The following CSMD1 variants were observed in gnomAD, a reference collection of about 807,000 sequenced individuals.
CSMD1 encodes the protein CUB and Sushi multiple domains 1, also known as CUB and sushi domain-containing protein 1.
CSMD1 carries 213 observed loss-of-function variants against 417.5 expected under a neutral mutation model. The observed-to-expected ratio is 0.51, with a 90% confidence interval of 0.46 to 0.57. The LOEUF is 0.57. Among genes scored for constraint, CSMD1 ranks in the 20% least tolerant of loss-of-function variants. The probability of loss-of-function intolerance (pLI) is 0.00; values close to 1 mark genes in which losing one functional copy is unlikely to be tolerated. For missense variants in CSMD1, 6,923 were observed against 4,529.7 expected (o/e 1.53, Z -15.17); for synonymous variants, 2,862 against 1,736.8 (o/e 1.65, Z -16.11).
At chr8:3,525,662 C>G (rs567123883) in intron 10 of CSMD1, among the ~76,000 whole-genome samples, 3 of 152,168 alleles carry the variant, frequency 2.0e-5, no homozygotes, top group Non-Finnish European at 4.4e-5. Flanking sequence ...TGATAGCAAT[C>G]AATGGAATTA....
intron 12 of CSMD1, among the ~76,000 whole-genome samples, chr8:3,430,732 T>C (rs1339345138): frequency 6.6e-6 from 1 of 152,070 alleles, no homozygotes; most frequent in East Asian, 1.9e-4. Context: ...ACCTGAACCC[T>C]GGAGGTGGAG....
At chr8:3,867,495 G>A (rs957830734) in intron 5 of CSMD1, among the ~76,000 whole-genome samples, 1 of 152,136 alleles carries the variant, frequency 6.6e-6, no homozygotes, top group African/African-American at 2.4e-5. Flanking sequence ...TGAAGAGGGT[G>A]TCAGAATAAA....
At chr8:4,312,199 A>G (rs942556187) in intron 3 of CSMD1, among the ~76,000 whole-genome samples, 2 of 151,868 alleles carry the variant, frequency 1.3e-5, no homozygotes, top group Non-Finnish European at 2.9e-5. Flanking sequence ...CATACACACT[A>G]TCTATATGCA....
chr8:4,680,947 T>G (rs982505382), intron 1 of CSMD1, among the ~76,000 whole-genome samples: 1 of 136,704 alleles, frequency 7.3e-6, no homozygotes, highest in South Asian at 2.5e-4. Flanking sequence ...TCTATCTATA[T>G]TGATGTGTGT....
At chr8:2,997,610 C>A (rs986652332) in intron 54 of CSMD1, among the ~76,000 whole-genome samples, 2 of 151,980 alleles carry the variant, frequency 1.3e-5, no homozygotes, top group African/African-American at 4.8e-5. Flanking sequence ...TCTGTGACTA[C>A]GTTTAAAGAA....
intron 1 of CSMD1, among the ~76,000 whole-genome samples, chr8:4,990,439 C>T (rs1295329410): frequency 6.6e-6 from 1 of 151,956 alleles, no homozygotes; most frequent in Non-Finnish European, 1.5e-5. Context: ...TCTCAGCCTA[C>T]TGCAACCTCC....
At chr8:3,709,697 T>TTTTTTTTTTTTTTTTC (rs1801394523) in intron 6 of CSMD1, among the ~76,000 whole-genome samples, 1 of 132,528 alleles carries the variant, frequency 7.5e-6, no homozygotes, top group Non-Finnish European at 1.6e-5. Flanking sequence ...TTTTTTTTTT[T>TTTTTTTTTTTTTTTTC]TTTTTTTTTT....
At chr8:3,770,200 C>T (rs1419981119) in intron 5 of CSMD1, among the ~76,000 whole-genome samples, 3 of 152,316 alleles carry the variant, frequency 2.0e-5, no homozygotes, top group African/African-American at 2.4e-5. Context: ...GATTTTGAAA[C>T]ATTTCTACAC....
intron 63 of CSMD1, among the ~76,000 whole-genome samples, chr8:2,957,068 T>C (rs1401900751): frequency 6.6e-6 from 1 of 152,158 alleles, no homozygotes; most frequent in Non-Finnish European, 1.5e-5. Flanking sequence ...TTTCACTAAA[T>C]TCAGAGTGAG....
intron 2 of CSMD1, among the ~76,000 whole-genome samples, chr8:4,502,631 C>T (rs890515324): frequency 4.6e-5 from 7 of 152,128 alleles, no homozygotes; most frequent in Non-Finnish European, 2.9e-5. Flanking sequence ...CCTGAAATCT[C>T]GCATTTACTT....
chr8:3,777,473 C>T (rs1798954794), intron 5 of CSMD1, among the ~76,000 whole-genome samples: 1 of 152,164 alleles, frequency 6.6e-6, no homozygotes, highest in South Asian at 2.1e-4. Flanking sequence ...TTCTGGTGTC[C>T]TGCTACTCTA....
chr8:4,871,322 G>T (rs770201133), intron 1 of CSMD1, among the ~76,000 whole-genome samples: 1 of 152,096 alleles, frequency 6.6e-6, no homozygotes, highest in Non-Finnish European at 1.5e-5. Context: ...CACGGATTTA[G>T]ATTTTCTGAT....
At chr8:3,605,949 C>A (rs1801591306) in intron 8 of CSMD1, among the ~76,000 whole-genome samples, 1 of 152,140 alleles carries the variant, frequency 6.6e-6, no homozygotes, top group South Asian at 2.1e-4. Context: ...TCAGTTTAAT[C>A]CATTCAACAG....
intron 49 of CSMD1, among the ~76,000 whole-genome samples, chr8:3,066,132 T>G (rs975628233): frequency 6.6e-6 from 1 of 152,136 alleles, no homozygotes. Context: ...CCTATTGAGG[T>G]CTGTCCCTGC....
chr8:3,028,328 G>T (rs1387239826), intron 51 of CSMD1, among the ~76,000 whole-genome samples: 1 of 152,140 alleles, frequency 6.6e-6, no homozygotes, highest in African/African-American at 2.4e-5. Flanking sequence ...ATGTCGGGAA[G>T]GGGGGCATTT....
chr8:3,968,481 T>C (rs148329130), intron 5 of CSMD1, among the ~76,000 whole-genome samples: 4 of 152,280 alleles, frequency 2.6e-5, no homozygotes, highest in Non-Finnish European at 4.4e-5. Context: ...TTTAGTTAAG[T>C]ACATCTTCCG....
At chr8:4,580,518 G>A (rs1799362318) in intron 2 of CSMD1, among the ~76,000 whole-genome samples, 1 of 152,120 alleles carries the variant, frequency 6.6e-6, no homozygotes, top group South Asian at 2.1e-4. Flanking sequence ...TTCTGGCTCG[G>A]GCCGTCGGGT....
intron 5 of CSMD1, among the ~76,000 whole-genome samples, chr8:3,775,069 C>T (rs556903708): frequency 6.6e-5 from 10 of 152,182 alleles, no homozygotes; most frequent in East Asian, 1.9e-4. Flanking sequence ...TTAAAACTTA[C>T]GAATTGTTTG....
intron 3 of CSMD1, among the ~76,000 whole-genome samples, chr8:4,257,192 A>C (rs935663271): frequency 3.2e-5 from 1 of 31,138 alleles, no homozygotes; most frequent in Non-Finnish European, 5.8e-5. Flanking sequence ...ATGGTACTAC[A>C]TTTTTAAGCA....
Sources: allele counts gnomAD v4.1 joint callset (sites outside exome capture counted in the v4.1 genomes callset), GRCh38; gene constraint gnomAD v4.1.1; transcripts MANE v1.5; gene names NCBI Gene and HGNC (gene_info 2026-07-23, HGNC 2026-07-21).